IDO2: variants seen among roughly 807,000 people sequenced by gnomAD.
The protein encoded by IDO2 is indoleamine 2,3-dioxygenase 2.
In IDO2, 46 loss-of-function variants were observed where a neutral mutation model predicts 45.1. That is an observed-to-expected ratio of 1.02 (90% CI 0.80 to 1.30). IDO2 has a LOEUF of 1.30. IDO2 is among the 50% of genes most tolerant of loss of function. The probability of loss-of-function intolerance (pLI) is 0.00; values close to 1 mark genes in which losing one functional copy is unlikely to be tolerated. For missense variants in IDO2, 544 were observed against 491.8 expected (o/e 1.11, Z -1.00); for synonymous variants, 218 against 184.9 (o/e 1.18, Z -1.45).
rs182938759 is a variant in IDO2 at position 39,970,923 on chromosome 8, T to C, written c.195+7220T>C. Among the ~76,000 whole-genome samples the C allele has an allele frequency of 3.7e-3, 559 of 151,522 alleles. 1 individual carries two copies. Among genetic ancestry groups the C allele is most frequent in the Non-Finnish European group, 4.7e-3 (320 of 67,790 alleles). On this transcript the variant is annotated intron_variant, in intron 3 of 10. Transcript: ENST00000502986. ...CTGGGACTACAGGCACGTGCCACCA[T>C]GCCCAGCTAATTTTTGCAGTTTTAG...
At chr8:39,991,575 T>G (rs925499440) in intron 8 of IDO2, among the ~76,000 whole-genome samples, 4 of 147,866 alleles carry the variant, frequency 2.7e-5, no homozygotes, top group Admixed American at 6.8e-5. Flanking sequence ...CTTTTTTTTT[T>G]TTTTTTTTTT....
intron 5 of IDO2, among the ~76,000 whole-genome samples, chr8:39,983,956 AATT>A (rs200363200): frequency 0.016 from 2,430 of 152,272 alleles, 32 homozygotes; most frequent in Non-Finnish European, 0.022. Flanking sequence ...TGTTTTCTGC[AATT>A]ATGAATTGTG....
rs1807741085 is a variant in IDO2 at position 39,946,914 on chromosome 8, C to T, written c.-17-2235C>T. 4.6e-5 allele frequency among the ~76,000 whole-genome samples: 7 copies of T among 152,022 alleles called. 2 individuals are homozygous for T. The highest frequency in any genetic ancestry group is 4.6e-4 in the Admixed American group (7 of 15,266). On this transcript the variant is annotated intron_variant, in intron 1 of 10. Coordinates refer to ENST00000502986, the Ensembl canonical transcript of IDO2. ...GTGGCTCATGCCTGTAATCCCAGCA[C>T]TTTGGGAGGCCAAGGTGGGTGGATC...
intron 3 of IDO2, among the ~76,000 whole-genome samples, chr8:39,964,924 A>G (rs867066697): frequency 6.6e-6 from 1 of 152,238 alleles, no homozygotes; most frequent in African/African-American, 2.4e-5. Context: ...GGAGATCCCC[A>G]TGAGTCCCCT....
exon 11 of IDO2, chr8:40,015,619 C>T (rs1293682102): frequency 1.9e-6 from 3 of 1,569,112 alleles, no homozygotes; most frequent in Admixed American, 1.7e-5. Flanking sequence ...GCCCTCTCCC[C>T]AGCAATGCAG....
intron 2 of IDO2, among the ~76,000 whole-genome samples, chr8:39,960,941 C>G (rs933357840): frequency 2.7e-5 from 4 of 148,836 alleles, no homozygotes; most frequent in Non-Finnish European, 4.5e-5. Context: ...CGCCAACACG[C>G]CCAGCTAATT....
chr8:39,987,908 A>G, exon 7 of IDO2: 2 of 1,611,552 alleles, frequency 1.2e-6, no homozygotes, highest in Non-Finnish European at 1.7e-6. Context: ...TGGGGGAGAG[A>G]GCCTGCATGG....
intron 2 of IDO2, among the ~76,000 whole-genome samples, chr8:39,963,068 T>C (rs752740811): frequency 5.9e-5 from 9 of 152,348 alleles, no homozygotes; most frequent in South Asian, 2.1e-4. Flanking sequence ...CCTATCTGCC[T>C]AGGCATCTGT....
chr8:40,001,416 A>G (rs62511375), intron 8 of IDO2, among the ~76,000 whole-genome samples: 17,512 of 151,412 alleles, frequency 0.12, 1,392 homozygotes, highest in East Asian at 0.34. Flanking sequence ...TGCCCAGCTA[A>G]TTTTTGTATT....
At chr8:39,947,594 A>T (rs777836290) in intron 1 of IDO2, among the ~76,000 whole-genome samples, 17 of 152,140 alleles carry the variant, frequency 1.1e-4, no homozygotes, top group Non-Finnish European at 2.4e-4. Flanking sequence ...ATTGGGACAA[A>T]TACAGAATGT....
At position 39,987,795 on chromosome 8, in the gene IDO2, G is replaced by T. The variant is rs191755782; in HGVS notation, c.450-76G>T. 4.6e-5 allele frequency: 38 copies of T among 821,008 alleles called. No homozygotes were observed. In the East Asian group the frequency reaches 9.3e-4, roughly 20 times the overall value. The allele number at this position is 821,008 out of a possible 1,614,324, so 50.9% of individuals were successfully genotyped here. A position where few individuals can be genotyped will look rare whatever the true frequency, so the allele number is the denominator to read the frequency against. ...ATTCCACCCTGCAGTTATCTAACTC[G>T]GCAGGGAACTCTGGGCAGTGAGTAC... is the stretch of plus-strand genomic sequence containing the variant. On this transcript the variant is annotated intron_variant, in intron 6 of 10. Transcript: ENST00000502986.
chr8:39,996,565 C>A (rs534416705), intron 8 of IDO2, among the ~76,000 whole-genome samples: 1 of 152,222 alleles, frequency 6.6e-6, no homozygotes, highest in East Asian at 1.9e-4. Context: ...TAGTGGTCCC[C>A]CGGGCCCAGC....
rs1807719153 is a variant in IDO2, at chr8:39,945,774, T to G, written c.-17-3375T>G. On this transcript the variant is annotated intron_variant, in intron 1 of 10. Transcript: ENST00000502986. ...GGATTTCATTTATATCTCTCATCAC[T>G]AATCTGCAAAAGCTGGTAGTGAAAC... Among the ~76,000 whole-genome samples, 7 of 152,190 alleles carry G rather than the reference T, an allele frequency of 4.6e-5. No individual in the cohort carries two copies. In the South Asian group the frequency reaches 1.5e-3, roughly 32 times the overall value.
At chr8:39,971,779 T>G (rs543711207) in intron 3 of IDO2, among the ~76,000 whole-genome samples, 9 of 152,016 alleles carry the variant, frequency 5.9e-5, no homozygotes, top group African/African-American at 2.2e-4. Context: ...ATTTTATAAC[T>G]GAGTTGCTGC....
intron 1 of IDO2, among the ~76,000 whole-genome samples, chr8:39,939,994 A>G (rs1188378880): frequency 2.0e-5 from 3 of 152,018 alleles, no homozygotes; most frequent in Admixed American, 1.3e-4. Context: ...ATAGAAATGG[A>G]TACCTTGCTG....
At chr8:39,979,222 C>G (rs1329835264) in intron 4 of IDO2, 36 bp downstream of exon 4, 1 of 1,555,292 alleles carries the variant, frequency 6.4e-7, no homozygotes, top group Admixed American at 1.9e-5. Context: ...TGTTACCCGG[C>G]AGGTTACCTG....
intron 1 of IDO2, among the ~76,000 whole-genome samples, chr8:39,941,483 A>C (rs557679545): frequency 1.2e-3 from 180 of 152,246 alleles, no homozygotes; most frequent in Non-Finnish European, 2.3e-3. Context: ...AGGCCAAGAA[A>C]ATTTGCACTT....
chr8:40,012,858 C>T (rs2981158), intron 9 of IDO2, among the ~76,000 whole-genome samples: 149,993 of 152,280 alleles, frequency 0.98, 73,909 homozygotes, highest in East Asian at 1. Flanking sequence ...CAGCCTCTGG[C>T]GAGGCACAGG....
intron 1 of IDO2, among the ~76,000 whole-genome samples, chr8:39,941,255 G>A (rs118050253): frequency 0.014 from 2,036 of 144,004 alleles, 22 homozygotes; most frequent in Middle Eastern, 0.065. Flanking sequence ...CTGAGTAACT[G>A]GGACTACAGG....
Sources: gnomAD v4.1 joint callset for allele counts (sites outside exome capture counted in the v4.1 genomes callset) on GRCh38, gnomAD v4.1.1 for gene constraint, MANE v1.5 for transcripts, NCBI Gene and HGNC (gene_info 2026-07-23, HGNC 2026-07-21) for gene names.